ULK4: variants seen among roughly 807,000 people sequenced by gnomAD.
ULK4 encodes inactive serine/threonine-protein kinase ULK4.
Under a neutral mutation model 160.6 loss-of-function variants are expected in ULK4, and 133 were observed. The ratio of observed to expected loss-of-function variants is 0.83; its 90% CI spans 0.72 to 0.96. The LOEUF is 0.96. Among genes scored for constraint, ULK4 ranks in the 40% least tolerant of loss-of-function variants. The pLI is 0.00. For synonymous variants in ULK4, 534 were observed against 539.8 expected (o/e 0.99, Z 0.15); for missense variants, 1,580 against 1,499.5 (o/e 1.05, Z -0.89).
intron 27 of ULK4, among the ~76,000 whole-genome samples, chr3:41,686,702 G>A (rs1239723998): frequency 6.6e-6 from 1 of 152,150 alleles, no homozygotes; most frequent in African/African-American, 2.4e-5. Context: ...ACTCACAGAG[G>A]AGGACTACTG....
chr3:41,348,206 CAAAA>C (rs1197234650), intron 35 of ULK4, among the ~76,000 whole-genome samples: 1 of 22,954 alleles, frequency 4.4e-5, no homozygotes, highest in African/African-American at 1.7e-4. Context: ...AACTCTGTCT[CAAAA>C]AAAAAAAAAA....
chr3:41,417,535 G>A (rs1264125388), intron 34 of ULK4, among the ~76,000 whole-genome samples: 1 of 152,232 alleles, frequency 6.6e-6, no homozygotes, highest in Middle Eastern at 3.4e-3. Flanking sequence ...GAGCAGTAAG[G>A]CTCCCCCTGG....
chr3:41,431,547 C>CATT (rs563543377), intron 34 of ULK4, among the ~76,000 whole-genome samples: 1 of 95,850 alleles, frequency 1.0e-5, no homozygotes, highest in African/African-American at 4.2e-5. Flanking sequence ...AATTCCCTCC[C>CATT]TTTTTTTTTT....
chr3:41,597,330 G>T (rs891162301), intron 31 of ULK4, among the ~76,000 whole-genome samples: 4 of 152,168 alleles, frequency 2.6e-5, no homozygotes, highest in African/African-American at 9.7e-5. Flanking sequence ...GTGGACCAAG[G>T]GAGATACATT....
chr3:41,413,881 T>A (rs1404037701), intron 34 of ULK4, among the ~76,000 whole-genome samples: 1 of 152,140 alleles, frequency 6.6e-6, no homozygotes, highest in African/African-American at 2.4e-5. Flanking sequence ...CCTTTGAACT[T>A]CAGATAAAAA....
chr3:41,543,476 A>G (rs1454388812), intron 32 of ULK4, among the ~76,000 whole-genome samples: 4 of 152,172 alleles, frequency 2.6e-5, no homozygotes, highest in African/African-American at 2.4e-5. Flanking sequence ...TAGGGGCTAG[A>G]GAACACACTG....
At chr3:41,921,335 G>A (rs547044878) in intron 5 of ULK4, among the ~76,000 whole-genome samples, 1 of 152,016 alleles carries the variant, frequency 6.6e-6, no homozygotes, top group African/African-American at 2.4e-5. Context: ...ACGAGGGCCG[G>A]GCACGGTGGC....
At chr3:41,406,115 T>C (rs2082288933) in intron 34 of ULK4, among the ~76,000 whole-genome samples, 1 of 152,230 alleles carries the variant, frequency 6.6e-6, no homozygotes, top group African/African-American at 2.4e-5. Context: ...TACATTTAAA[T>C]CTTTAATCCA....
intron 36 of ULK4, 51 bp from the exon 37 acceptor site, chr3:41,247,043 G>A (rs1364413090): frequency 1.3e-6 from 2 of 1,570,394 alleles, no homozygotes; most frequent in Admixed American, 3.6e-5. Flanking sequence ...CTAAGGTAAA[G>A]TGCTCCCCCC....
At position 41,536,480 on chromosome 3, in the gene ULK4, T is replaced by C. The variant is rs1158439213; in HGVS notation, c.3226+29545A>G. Among the ~76,000 whole-genome samples, 3 of 152,144 alleles carry C rather than the reference T, an allele frequency of 2.0e-5. No individual in the cohort carries two copies. The East Asian group carries it at 5.8e-4, about 29-fold the overall frequency. ...CCAGTTAAAAATCCACTTACAACTT[T>C]TGACTCCCCCAAAACTTAACTACTA... is the stretch of plus-strand genomic sequence containing the variant. On this transcript the variant is annotated intron_variant, in intron 32 of 36. Coordinates refer to ENST00000301831, the MANE Select transcript of ULK4 (RefSeq NM_017886.4).
At chr3:41,887,068 C>T (rs967527006) in intron 16 of ULK4, among the ~76,000 whole-genome samples, 1 of 152,180 alleles carries the variant, frequency 6.6e-6, no homozygotes, top group Admixed American at 6.5e-5. Context: ...ACTCTACACC[C>T]TACAAACAGT....
At position 41,643,216 on chromosome 3, in the gene ULK4, T is replaced by G. The variant is rs982790721; in HGVS notation, c.3071+20391A>C. ...TTTAATTAGATCCCATTTGTCAATT[T>G]TGGCTTTTGTTGCCATTGCTTTTGG... On this transcript the variant is annotated intron_variant, in intron 30 of 36. Transcript: ENST00000301831. Among the ~76,000 whole-genome samples the G allele has an allele frequency of 1.2e-4, 18 of 152,284 alleles. No individual in the cohort carries two copies. The East Asian group carries it at 2.1e-3, about 18-fold the overall frequency.
intron 35 of ULK4, among the ~76,000 whole-genome samples, chr3:41,304,227 C>T (rs1041355220): frequency 5.6e-5 from 8 of 143,262 alleles, no homozygotes; most frequent in Non-Finnish European, 1.0e-4. Context: ...GAGCCAAGAT[C>T]GCGCCATTGC....
intron 35 of ULK4, chr3:41,258,395 G>C (rs1399617005): frequency 6.6e-6 from 1 of 152,122 alleles, no homozygotes; most frequent in Non-Finnish European, 1.5e-5. Context: ...GAGACTATTG[G>C]TGAACTTATC....
At chr3:41,822,157 C>T (rs1384406416) in intron 18 of ULK4, among the ~76,000 whole-genome samples, 1 of 152,142 alleles carries the variant, frequency 6.6e-6, no homozygotes, top group African/African-American at 2.4e-5. Flanking sequence ...CGGATCAAGA[C>T]CAAGACATCG....
intron 35 of ULK4, among the ~76,000 whole-genome samples, chr3:41,354,377 G>C (rs2080987043): frequency 6.6e-6 from 1 of 152,134 alleles, no homozygotes; most frequent in Non-Finnish European, 1.5e-5. Context: ...TCTTTTCCAA[G>C]TGTCACTGCC....
At chr3:41,487,817 A>G (rs983375517) in intron 32 of ULK4, among the ~76,000 whole-genome samples, 1 of 152,148 alleles carries the variant, frequency 6.6e-6, no homozygotes, top group Non-Finnish European at 1.5e-5. Flanking sequence ...AAAAGACTAA[A>G]TAAAGTTAAC....
chr3:41,618,679 T>A (rs2033097319), intron 30 of ULK4, among the ~76,000 whole-genome samples: 2 of 151,894 alleles, frequency 1.3e-5, no homozygotes, highest in Admixed American at 6.6e-5. Context: ...CACACCAAAA[T>A]ATAAAGACCA....
At chr3:41,255,877 A>C (rs1410369357) in intron 35 of ULK4, among the ~76,000 whole-genome samples, 3 of 152,232 alleles carry the variant, frequency 2.0e-5, no homozygotes, top group Non-Finnish European at 4.4e-5. Context: ...GACTTAATTC[A>C]CTTATATAAA....
Sources: allele counts gnomAD v4.1 joint callset (sites outside exome capture counted in the v4.1 genomes callset), GRCh38; gene constraint gnomAD v4.1.1; transcripts MANE v1.5; gene names NCBI Gene and HGNC (gene_info 2026-07-23, HGNC 2026-07-21).